The following SOCS1 variants were observed in gnomAD, a reference collection of about 807,000 sequenced individuals.
SOCS1 encodes the protein suppressor of cytokine signaling 1.
A neutral mutation model predicts 9.7 loss-of-function variants in SOCS1; 3 were observed. The observed-to-expected ratio is 0.31, with a 90% CI of 0.14 to 0.80. The LOEUF is 0.80. Ranked by LOEUF, SOCS1 falls within the 30% of genes least tolerant of loss-of-function variation. The pLI is 0.61. For missense variants in SOCS1, 368 were observed against 324.7 expected, an observed-to-expected ratio of 1.13 and a Z score of -1.02; for synonymous variants, 194 against 150.2, an observed-to-expected ratio of 1.29 and a Z score of -2.13.
chr16:11,255,867 C>G, intron 1 of SOCS1: 1 of 172,618 alleles, frequency 5.8e-6, no homozygotes, highest in Non-Finnish European at 1.2e-5. Flanking sequence ...AGGCTGGGAT[C>G]CGCGCCTGGT....
In SOCS1 at chr16:11,255,339, G is replaced by GCCGGGA. The variant is rs587778690; in HGVS notation, c.134_139dup (p.Val45_Pro46dup). On this transcript the variant is annotated inframe_insertion, in exon 2 of 2. Coordinates refer to ENST00000332029, the MANE Select transcript of SOCS1 (RefSeq NM_003745.2). The stretch of plus-strand genomic sequence containing the variant: ...GAAGTGCGTGTCGCCGGGGGCCGGG[G>GCCGGGA]CCGGGACCGCGGGGCACGGCCGCGG... 1,335 of 1,428,798 alleles carry GCCGGGA rather than the reference G, an allele frequency of 9.3e-4. 1 individual carries two copies. Among genetic ancestry groups the GCCGGGA allele is most frequent in the Middle Eastern group, 3.9e-3 (20 of 5,174 alleles). The allele number at this position is 1,428,798 out of a possible 1,614,324, so 88.5% of individuals were successfully genotyped here.
chr16:11,255,718 C>G (rs2069592532), intron 1 of SOCS1, 190 bp from the exon 2 acceptor site: 1 of 355,026 alleles, frequency 2.8e-6, no homozygotes, highest in Admixed American at 4.7e-5. Flanking sequence ...CTCCGCGGAG[C>G]TCTTCCCGGC....
Position 11,254,823 on chromosome 16 carries a change from TG to T in SOCS1, c.*19del, listed in dbSNP as rs1223745134. The stretch of plus-strand genomic sequence containing the variant: ...ACACGGCATCCCAGTTAATGCTGCG[TG>T]CACGGCGGGCGCTGCCGGTCAAATC... On this transcript the variant is annotated 3_prime_UTR_variant, in exon 2 of 2. Coordinates refer to ENST00000332029, the MANE Select transcript of SOCS1 (RefSeq NM_003745.2). The T allele has an allele frequency of 6.8e-7, 1 of 1,466,530 alleles. No individual in the cohort carries two copies. The highest frequency in any genetic ancestry group is 1.5e-5 in the South Asian group (1 of 67,110). 90.8% of individuals were successfully genotyped at this position (1,466,530 alleles called of 1,614,324 possible). A position where few individuals can be genotyped will look rare whatever the true frequency, so the allele number is the denominator to read the frequency against.
At position 11,254,944 on chromosome 16, in the gene SOCS1, G is replaced by T; in HGVS notation, c.535C>A (p.Arg179Ser). 6.8e-7 allele frequency: 1 copy of T among 1,479,338 alleles called. No homozygotes were observed. Among genetic ancestry groups the T allele is most frequent in the East Asian group, 2.7e-5 (1 of 36,792 alleles). The allele number at this position is 1,479,338 out of a possible 1,614,324, so 91.6% of individuals were successfully genotyped here. A position where few individuals can be genotyped will look rare whatever the true frequency, so the allele number is the denominator to read the frequency against. The change falls in exon 2 of 2, where the codon CGC becomes AGC. Residue 179 changes from arginine (R) to serine (S), a missense_variant. Coordinates refer to ENST00000332029, the MANE Select transcript of SOCS1 (RefSeq NM_003745.2). ...CCCACGGTGGCCACGATGCGCTGGC[G>T]GCACAGCTCCTGCAGCGGCCGCACG... The part of the protein sequence containing the change: ...RRVRPLQELC[R>S]QRIVATVGRE...
chr16:11,255,617 G>T, intron 1 of SOCS1, 89 bp from the exon 2 acceptor site: 1 of 442,838 alleles, frequency 2.3e-6, no homozygotes, highest in Non-Finnish European at 3.7e-6. Context: ...GGCGCTCCCG[G>T]CGGACCCGGC....
At chr16:11,255,550 G>A (rs1463164622) in intron 1 of SOCS1, 22 bp from the exon 2 acceptor site, 22 of 960,354 alleles carry the variant, frequency 2.3e-5, no homozygotes, top group Non-Finnish European at 3.0e-5. Context: ...ACAAAGAGGT[G>A]AGCTGGGGCG....
chr16:11,255,373 G>A lies in SOCS1; in HGVS notation c.106C>T (p.Pro36Ser), dbSNP rs867464575. The A allele has an allele frequency of 3.7e-6, 5 of 1,338,550 alleles. No individual in the cohort carries two copies. The highest frequency in any genetic ancestry group is 4.1e-5 in the Admixed American group (1 of 24,248). The allele number at this position is 1,338,550 out of a possible 1,614,324, so 82.9% of individuals were successfully genotyped here. A position where few individuals can be genotyped will look rare whatever the true frequency, so the allele number is the denominator to read the frequency against. ...GCGGGGCACGGCCGCGGGCGCGCGG[G>A]GGCCGCGGGCGAGGAGGAGGAAGAG... ...SSSSSSSPAA[P>S]ARPRPCPAVP... Residue 36 changes from proline (P) to serine (S), a missense_variant, in exon 2 of 2, where the codon CCC (proline) becomes TCC (serine). Coordinates refer to ENST00000332029, the MANE Select transcript of SOCS1 (RefSeq NM_003745.2).
At position 11,255,356 on chromosome 16, in the gene SOCS1, CGGCCGCGGGCGCGCGGG is replaced by C; in HGVS notation, c.106_122del (p.Pro36ValfsTer75). 1 of 1,349,410 alleles carries C rather than the reference CGGCCGCGGGCGCGCGGG, an allele frequency of 7.4e-7. No individual in the cohort carries two copies. Among genetic ancestry groups the C allele is most frequent in the South Asian group, 2.0e-5 (1 of 50,076 alleles). 83.6% of individuals were successfully genotyped at this position (1,349,410 alleles called of 1,614,324 possible). On this transcript the variant is annotated frameshift_variant, in exon 2 of 2. Coordinates refer to ENST00000332029, the MANE Select transcript of SOCS1 (RefSeq NM_003745.2). LOFTEE classifies it high-confidence loss of function. Reference sequence around the variant, plus strand: ...GGGCCGGGGCCGGGACCGCGGGGCACGGCCGCGGGCGCGCGGGGGCCGCGGGCGAGGAGGAGGAAGAG... The same window carrying C: ...GGGCCGGGGCCGGGACCGCGGGGCACGGCCGCGGGCGAGGAGGAGGAAGAG...
Position 11,255,274 on chromosome 16 carries a change from G to C in SOCS1, c.205C>G (p.Arg69Gly). The C allele has an allele frequency of 1.3e-6, 2 of 1,538,730 alleles. No individual in the cohort carries two copies. The highest frequency in any genetic ancestry group is 1.7e-6 in the Non-Finnish European group (2 of 1,148,392). Residue 69 changes from arginine to glycine, a missense_variant, in exon 2 of 2, where the codon CGC becomes GGC. Coordinates refer to ENST00000332029, the MANE Select transcript of SOCS1 (RefSeq NM_003745.2). ...CAGGCGTCCAGGAGCGCGCTGGCGC[G>C]CGTGATGCGCCGGTAATCGGCGTGC... ...RSHADYRRIT[R>G]ASALLDACGF...
Position 11,255,112 on chromosome 16 carries a change from G to T in SOCS1, c.367C>A (p.Pro123Thr). Residue 123 changes from proline to threonine, a missense_variant, in exon 2 of 2, where the codon CCC becomes ACC. Transcript: ENST00000332029. Reference protein sequence around the residue: ...FALSVKMASGPTSIRVHFQAG... With the variant: ...FALSVKMASGTTSIRVHFQAG... ...TGAAAGTGCACGCGGATGCTCGTGG[G>T]TCCCGAGGCCATCTTCACGCTAAGG... 1.9e-6 allele frequency: 3 copies of T among 1,609,940 alleles called. No individual in the cohort carries two copies. Among genetic ancestry groups the T allele is most frequent in the Non-Finnish European group, 2.5e-6 (3 of 1,179,070 alleles).
chr16:11,255,816 C>T (rs17849240), intron 1 of SOCS1: 1 of 218,572 alleles, frequency 4.6e-6, no homozygotes, highest in East Asian at 8.5e-5. Context: ...CTCCAGCCGT[C>T]CGGCCCCGGC....
intron 1 of SOCS1, chr16:11,255,740 C>G: frequency 3.1e-6 from 1 of 319,158 alleles, no homozygotes; most frequent in Non-Finnish European, 5.7e-6. Context: ...GGTGGGGGCT[C>G]GGTGGAGGCG....
At position 11,255,130 on chromosome 16, in the gene SOCS1, C is replaced by T. The variant is rs767426648; in HGVS notation, c.349G>A (p.Val117Met). The T allele has an allele frequency of 3.1e-6, 5 of 1,608,282 alleles. No individual in the cohort carries two copies. The South Asian group carries it at 5.5e-5, about 18-fold the overall frequency. Residue 117 changes from valine (V) to methionine (M), a missense_variant, in exon 2 of 2, where the codon GTG (valine) becomes ATG (methionine). Physicochemically the swap from Val to Met is conservative, Grantham distance 21. Transcript: ENST00000332029. ...RQRNCFFALSVKMASGPTSIR... is the reference protein window; with the variant it reads ...RQRNCFFALSMKMASGPTSIR... ...CTCGTGGGTCCCGAGGCCATCTTCA[C>T]GCTAAGGGCGAAAAAGCAGTTCCGC...
In SOCS1 at chr16:11,254,644, C is replaced by T. The variant is rs1188456634; in HGVS notation, c.*199G>A. On this transcript the variant is annotated 3_prime_UTR_variant, in exon 2 of 2. Coordinates refer to ENST00000332029, the MANE Select transcript of SOCS1 (RefSeq NM_003745.2). ...AACCAGGGGGACCCAGAGGGAGCACCAGGAGGGGGAGGACCCCCTCAAGAG... is the reference window on the plus strand; with the variant it reads ...AACCAGGGGGACCCAGAGGGAGCACTAGGAGGGGGAGGACCCCCTCAAGAG... 4 of 651,330 alleles carry T rather than the reference C, an allele frequency of 6.1e-6. No individual in the cohort carries two copies. The highest frequency in any genetic ancestry group is 9.0e-6 in the Non-Finnish European group (4 of 446,080). 40.3% of individuals were successfully genotyped at this position (651,330 alleles called of 1,614,324 possible).
chr16:11,254,701 C>G lies in SOCS1; in HGVS notation c.*142G>C. The G allele has an allele frequency of 8.2e-7, 1 of 1,220,728 alleles. No individual in the cohort carries two copies. Among genetic ancestry groups the G allele is most frequent in the Non-Finnish European group, 1.1e-6 (1 of 949,430 alleles). 75.6% of individuals were successfully genotyped at this position (1,220,728 alleles called of 1,614,324 possible). On this transcript the variant is annotated 3_prime_UTR_variant, in exon 2 of 2. Transcript: ENST00000332029. ...AGGGGTCTGCGGCCTCGTCTCCAGCCGAGGGCGGGAGGCGCCTCGCCCCTA... is the reference window on the plus strand; with the variant it reads ...AGGGGTCTGCGGCCTCGTCTCCAGCGGAGGGCGGGAGGCGCCTCGCCCCTA...
In SOCS1 at chr16:11,254,608, G is replaced by C; in HGVS notation, c.*235C>G. On this transcript the variant is annotated 3_prime_UTR_variant, in exon 2 of 2. Coordinates refer to ENST00000332029, the MANE Select transcript of SOCS1 (RefSeq NM_003745.2). Reference sequence around the variant, plus strand: ...AGGTCCTGGCTCCAGATACAGTTAAGCTGCTACAACAACCAGGGGGACCCA... The same window carrying C: ...AGGTCCTGGCTCCAGATACAGTTAACCTGCTACAACAACCAGGGGGACCCA... 2.2e-6 allele frequency: 1 copy of C among 445,550 alleles called. No individual in the cohort carries two copies. The highest frequency in any genetic ancestry group is 3.8e-6 in the Non-Finnish European group (1 of 265,648). 27.6% of individuals were successfully genotyped at this position (445,550 alleles called of 1,614,324 possible).
At position 11,255,063 on chromosome 16, in the gene SOCS1, C is replaced by T. The variant is rs1204180240; in HGVS notation, c.416G>A (p.Gly139Asp). The change falls in exon 2 of 2, where the codon GGC becomes GAC. Residue 139 changes from glycine to aspartate, a missense_variant. Physicochemically the swap from Gly to Asp is moderately conservative, Grantham distance 94 (BLOSUM62 -1). Coordinates refer to ENST00000332029, the MANE Select transcript of SOCS1 (RefSeq NM_003745.2). ...GAGGCAGTCGAAGCTCTCGCGGCTG[C>T]CATCCAGGTGAAAGCGGCCGGCCTG... ...HFQAGRFHLD[G>D]SRESFDCLFE... The T allele has an allele frequency of 6.2e-7, 1 of 1,608,582 alleles. No homozygotes were observed. The highest frequency in any genetic ancestry group is 8.5e-7 in the Non-Finnish European group (1 of 1,178,280).
In SOCS1 at chr16:11,255,155, C is replaced by T. The variant is rs754521293; in HGVS notation, c.324G>A (p.Gln108=). The T allele has an allele frequency of 1.2e-6, 2 of 1,602,068 alleles. No homozygotes were observed. The highest frequency in any genetic ancestry group is 1.7e-6 in the Non-Finnish European group (2 of 1,177,510). Residue 108 remains glutamine, a synonymous_variant, in exon 2 of 2, where the codon CAG becomes CAA. Transcript: ENST00000332029. ...VGTFLVRDSR[Q]RNCFFALSVK... ...CGCTAAGGGCGAAAAAGCAGTTCCG[C>T]TGGCGGCTGTCGCGCACCAGGAAGG...
rs2069574532 is a variant in SOCS1 at position 11,254,827 on chromosome 16, C to T, written c.*16G>A. 4.8e-6 allele frequency: 7 copies of T among 1,467,662 alleles called. No homozygotes were observed. Among genetic ancestry groups the T allele is most frequent in the Admixed American group, 2.8e-5 (1 of 35,202 alleles). 90.9% of individuals were successfully genotyped at this position (1,467,662 alleles called of 1,614,324 possible). A position where few individuals can be genotyped will look rare whatever the true frequency, so the allele number is the denominator to read the frequency against. ...GGCATCCCAGTTAATGCTGCGTGCACGGCGGGCGCTGCCGGTCAAATCTGG... is the reference window on the plus strand; with the variant it reads ...GGCATCCCAGTTAATGCTGCGTGCATGGCGGGCGCTGCCGGTCAAATCTGG... On this transcript the variant is annotated 3_prime_UTR_variant, in exon 2 of 2. Transcript: ENST00000332029.
Sources: gnomAD v4.1 joint callset for allele counts on GRCh38, gnomAD v4.1.1 for gene constraint, MANE v1.5 for transcripts, NCBI Gene and HGNC (gene_info 2026-07-23, HGNC 2026-07-21) for gene names.